MYH10: variants seen among roughly 807,000 people sequenced by gnomAD.
The protein encoded by MYH10 is myosin-10.
In MYH10, 55 loss-of-function variants were observed where a neutral mutation model predicts 257.8. That is an observed-to-expected ratio of 0.21 (90% CI 0.17 to 0.27). MYH10 has a LOEUF of 0.27. Ranked by LOEUF, MYH10 falls within the 10% of genes least tolerant of loss-of-function variation. MYH10 has a pLI of 1.00. For missense variants in MYH10, 1,631 were observed against 2,500.6 expected (o/e 0.65, Z 7.42); for synonymous variants, 854 against 921.7 (o/e 0.93, Z 1.33).
In MYH10 at chr17:8,480,496, A is replaced by C; in HGVS notation, c.5294T>G (p.Leu1765Arg). Residue 1765 changes from leucine (L) to arginine (R), a missense_variant, in exon 39 of 43, where the codon CTG becomes CGG. This residue lies in a region of MYH10 where 343 missense variants were observed against 389.5 expected (regional missense o/e 0.88). Coordinates refer to ENST00000360416, the MANE Select transcript of MYH10 (RefSeq NM_001256012.3). The stretch of plus-strand genomic sequence containing the variant: ...CTCCAGCTGTGCGATCCGAGCTTCC[A>C]GACGCCGCTTCTCATCCAGCAGCGC... ...KSALLDEKRR[L>R]EARIAQLEEE... is the part of the protein sequence containing the mutation. 1 of 1,610,750 alleles carries C rather than the reference A, an allele frequency of 6.2e-7. No individual in the cohort carries two copies.
intron 14 of MYH10, among the ~76,000 whole-genome samples, chr17:8,541,846 G>A (rs1446039115): frequency 6.6e-6 from 1 of 152,180 alleles, no homozygotes; most frequent in Non-Finnish European, 1.5e-5. Flanking sequence ...GTCTGTGCGA[G>A]CCAGAGCCCA....
chr17:8,475,828 C>G lies in MYH10; in HGVS notation c.6000G>C (p.Glu2000Asp). 1.2e-6 allele frequency: 2 copies of G among 1,614,216 alleles called. No homozygotes were observed. Among genetic ancestry groups the G allele is most frequent in the Admixed American group, 1.7e-5 (1 of 60,034 alleles). Residue 2000 changes from glutamate (E) to aspartate (D), a missense_variant, in exon 43 of 43, where the codon GAG (glutamate) becomes GAC (aspartate). By Grantham distance (45) the Glu-to-Asp change is conservative. This residue lies in a region of MYH10 where 343 missense variants were observed against 389.5 expected (regional missense o/e 0.88). Coordinates refer to ENST00000360416, the MANE Select transcript of MYH10 (RefSeq NM_001256012.3). ...TTTACTCTGACTGGGGTGGCTGCGTCTCGTTGACATCACTGGTCTTACTTT... is the reference window on the plus strand; with the variant it reads ...TTTACTCTGACTGGGGTGGCTGCGTGTCGTTGACATCACTGGTCTTACTTT... ...DTESKTSDVN[E>D]TQPPQSE
At chr17:8,561,179 T>C (rs748343401) in intron 7 of MYH10, 1 of 677,464 alleles carries the variant, frequency 1.5e-6, no homozygotes, top group Non-Finnish European at 2.6e-6. Context: ...AAAGGAGAAA[T>C]GGGAGAAAAT....
rs1407984806 is a variant in MYH10, at chr17:8,513,122, C to T, written c.2745+416G>A. On this transcript the variant is annotated intron_variant, in intron 23 of 42. Transcript: ENST00000360416. Reference sequence around the variant, plus strand: ...TGAAGAAAACTTCCCAGAAGAGGGACACACATTCAAGACCACTGCTGCTAG... The same window carrying T: ...TGAAGAAAACTTCCCAGAAGAGGGATACACATTCAAGACCACTGCTGCTAG... Among the ~76,000 whole-genome samples, 22 of 152,308 alleles carry T rather than the reference C, an allele frequency of 1.4e-4. No homozygotes were observed. In the South Asian group the frequency reaches 4.1e-3, roughly 29 times the overall value.
At chr17:8,559,810 T>C (rs2082924673) in intron 7 of MYH10, among the ~76,000 whole-genome samples, 1 of 152,240 alleles carries the variant, frequency 6.6e-6, no homozygotes, top group African/African-American at 2.4e-5. Context: ...CCTGATGTTA[T>C]ACTGATGGTT....
intron 12 of MYH10, 90 bp downstream of exon 12, chr17:8,546,454 G>T: frequency 1.0e-6 from 1 of 968,096 alleles, no homozygotes; most frequent in Non-Finnish European, 1.6e-6. Flanking sequence ...AGTTTATATT[G>T]ATTCAGTTTG....
At chr17:8,508,919 A>C (rs1382670832) in intron 25 of MYH10, among the ~76,000 whole-genome samples, 1 of 152,170 alleles carries the variant, frequency 6.6e-6, no homozygotes, top group African/African-American at 2.4e-5. Context: ...AGCTGTCATA[A>C]CACCACAGTG....
chr17:8,562,729 G>A (rs1006035549), intron 7 of MYH10, among the ~76,000 whole-genome samples: 12 of 152,154 alleles, frequency 7.9e-5, no homozygotes, highest in South Asian at 2.1e-4. Flanking sequence ...GAAATTACAC[G>A]TGTACTGTGA....
At chr17:8,618,763 A>G (rs1207649622) in intron 2 of MYH10, among the ~76,000 whole-genome samples, 1 of 152,224 alleles carries the variant, frequency 6.6e-6, no homozygotes, top group Non-Finnish European at 1.5e-5. Flanking sequence ...TATGACATCA[A>G]AAAAACCCAC....
At chr17:8,628,322 T>G (rs906243239) in intron 1 of MYH10, among the ~76,000 whole-genome samples, 9 of 152,184 alleles carry the variant, frequency 5.9e-5, no homozygotes. Context: ...TTCAGTGGTT[T>G]GACACACACA....
intron 17 of MYH10, among the ~76,000 whole-genome samples, chr17:8,524,449 CAAAA>C (rs541255427): frequency 3.2e-5 from 2 of 62,128 alleles, no homozygotes; most frequent in East Asian, 5.7e-4. Flanking sequence ...GACTCTGTCT[CAAAA>C]AAAAAAAAAA....
chr17:8,478,436 C>T lies in MYH10; in HGVS notation c.5608G>A (p.Ala1870Thr), dbSNP rs764007614. 3.3e-5 allele frequency: 53 copies of T among 1,614,122 alleles called. 1 individual carries two copies. In the Middle Eastern group the frequency reaches 1.8e-3, roughly 55 times the overall value. ...GTGCGACGGACTAATTTGTTGGCGG[C>T]TGCTCGTTCCCTGTGAAAGTGGTCA... ...QLEQEAKERA[A>T]ANKLVRRTEK... The change falls in exon 41 of 43, where the codon GCC becomes ACC. Residue 1870 changes from alanine to threonine, a missense_variant. Around this residue, in one of 11 missense-constraint regions of MYH10, gnomAD observed 343 missense variants for 389.5 expected, o/e 0.88. Coordinates refer to ENST00000360416, the MANE Select transcript of MYH10 (RefSeq NM_001256012.3).
At chr17:8,556,184 CA>C (rs1376045363) in intron 7 of MYH10, among the ~76,000 whole-genome samples, 23 of 152,318 alleles carry the variant, frequency 1.5e-4, no homozygotes, top group Admixed American at 1.4e-3. Context: ...GGTGAGAAGG[CA>C]AAACGGTACA....
At chr17:8,502,039 C>A (rs921061347) in intron 28 of MYH10, among the ~76,000 whole-genome samples, 3 of 152,216 alleles carry the variant, frequency 2.0e-5, no homozygotes, top group African/African-American at 7.2e-5. Flanking sequence ...CCTATATTAG[C>A]ACTGTTGAAT....
rs71361810 is a variant in MYH10 at position 8,610,271 on chromosome 17, C to CAAAAAAAAAAAAAAAAAAA, written c.346-5308_346-5290dup. On this transcript the variant is annotated intron_variant, in intron 2 of 42. Transcript: ENST00000360416. ...GTTTATAGGGAGCACCATAGGATTG[C>CAAAAAAAAAAAAAAAAAAA]AAAAAAAAAAAAAAAAAAAAAGGGT... Among the ~76,000 whole-genome samples, 20 of 45,982 alleles carry CAAAAAAAAAAAAAAAAAAA rather than the reference C, an allele frequency of 4.3e-4. 6 individuals are homozygous for CAAAAAAAAAAAAAAAAAAA. Among genetic ancestry groups the CAAAAAAAAAAAAAAAAAAA allele is most frequent in the African/African-American group, 6.1e-4 (6 of 9,866 alleles). 30.2% of individuals were successfully genotyped at this position (45,982 alleles called of 152,430 possible).
chr17:8,576,635 G>C lies in MYH10; in HGVS notation c.663+8C>G. On this transcript the variant is annotated splice_region_variant and intron_variant, in intron 6 of 42. Coordinates refer to ENST00000360416, the MANE Select transcript of MYH10 (RefSeq NM_001256012.3). ...TCAAGACTAAGAAGCATAAAGAAGA[G>C]CACTTGCCTGGTGTTTCACTGGTTT... 6.5e-7 allele frequency: 1 copy of C among 1,550,270 alleles called. No individual in the cohort carries two copies. Among genetic ancestry groups the C allele is most frequent in the Non-Finnish European group, 8.7e-7 (1 of 1,146,580 alleles).
chr17:8,548,860 C>T, intron 9 of MYH10, 73 bp from the exon 10 acceptor site: 1 of 1,352,610 alleles, frequency 7.4e-7, no homozygotes, highest in Admixed American at 1.8e-5. Context: ...TGCATTCAAA[C>T]TGTGCCAGTG....
At chr17:8,491,928 C>G (rs1316280075) in intron 34 of MYH10, among the ~76,000 whole-genome samples, 3 of 152,226 alleles carry the variant, frequency 2.0e-5, no homozygotes, top group Non-Finnish European at 4.4e-5. Flanking sequence ...TTCCCTCCTC[C>G]TCCTCTCCAG....
chr17:8,518,051 A>T lies in MYH10; in HGVS notation c.2504+580T>A, dbSNP rs532766467. Among the ~76,000 whole-genome samples the T allele has an allele frequency of 2.8e-3, 210 of 74,104 alleles. 2 individuals are homozygous for T. Among genetic ancestry groups the T allele is most frequent in the African/African-American group, 9.4e-3 (177 of 18,852 alleles). The allele number at this position is 74,104 out of a possible 152,430, so 48.6% of individuals were successfully genotyped here. A position where few individuals can be genotyped will look rare whatever the true frequency, so the allele number is the denominator to read the frequency against. On this transcript the variant is annotated intron_variant, in intron 21 of 42. Coordinates refer to ENST00000360416, the MANE Select transcript of MYH10 (RefSeq NM_001256012.3). ...GTGTGTGTGTGTGTGTGTGTGTGTG[A>T]GAAGCATTCTCTGAGGACTTGAGCT...
Sources: gnomAD v4.1 joint callset for allele counts (sites outside exome capture counted in the v4.1 genomes callset) on GRCh38, gnomAD v4.1.1 for gene constraint, gnomAD v4.1.1 regional missense constraint, MANE v1.5 for transcripts, NCBI Gene and HGNC (gene_info 2026-07-23, HGNC 2026-07-21) for gene names.